The following GAK variants were observed in gnomAD, a reference collection of about 807,000 sequenced individuals.
GAK encodes the protein cyclin G associated kinase.
A neutral mutation model predicts 143.9 loss-of-function variants in GAK; 79 were observed. The ratio of observed to expected loss-of-function variants is 0.55; its 90% CI spans 0.46 to 0.66. The LOEUF is 0.66. Among genes scored for constraint, GAK ranks in the 30% least tolerant of loss-of-function variants. GAK has a pLI of 0.00. For missense variants in GAK, 1,693 were observed against 1,779.7 expected (o/e 0.95, Z 0.88); for synonymous variants, 881 against 765.5 (o/e 1.15, Z -2.49).
intron 6 of GAK, among the ~76,000 whole-genome samples, chr4:896,889 C>T (rs1718908760): frequency 6.6e-6 from 1 of 152,150 alleles, no homozygotes. Flanking sequence ...GGCACAAGGG[C>T]CCCGCTCCAG....
At chr4:874,992 T>C (rs567013209) in intron 18 of GAK, among the ~76,000 whole-genome samples, 3 of 152,204 alleles carry the variant, frequency 2.0e-5, no homozygotes, top group Non-Finnish European at 1.5e-5. Flanking sequence ...ATTTCGGCTG[T>C]AATATTTTTC....
At chr4:871,779 C>T (rs1321011060) in intron 18 of GAK, among the ~76,000 whole-genome samples, 1 of 152,128 alleles carries the variant, frequency 6.6e-6, no homozygotes, top group African/African-American at 2.4e-5. Flanking sequence ...TGACACTGAC[C>T]ATTTCCCAGC....
intron 24 of GAK, among the ~76,000 whole-genome samples, chr4:856,356 TGCTCACCA>T (rs1749184195): frequency 9.6e-6 from 1 of 104,622 alleles, no homozygotes; most frequent in Non-Finnish European, 1.8e-5. Flanking sequence ...TGCTCACACC[TGCTCACCA>T]CAGCTGCTCA....
intron 18 of GAK, among the ~76,000 whole-genome samples, chr4:873,239 T>C (rs1713095250): frequency 6.6e-6 from 1 of 152,238 alleles, no homozygotes; most frequent in African/African-American, 2.4e-5. Context: ...AGTGGTATTT[T>C]GATTATCAAT....
At chr4:902,674 G>A (rs1261938214) in intron 5 of GAK, among the ~76,000 whole-genome samples, 1 of 149,428 alleles carries the variant, frequency 6.7e-6, no homozygotes, top group African/African-American at 2.5e-5. Context: ...CCATGGGCAG[G>A]CCAGGCACAG....
intron 16 of GAK, 67 bp downstream of exon 16, chr4:877,548 C>G: frequency 6.8e-7 from 1 of 1,479,606 alleles, no homozygotes; most frequent in East Asian, 2.3e-5. Flanking sequence ...GGCCAGGGTT[C>G]CTCTTTAACG....
intron 1 of GAK, among the ~76,000 whole-genome samples, chr4:915,080 C>A (rs62297085): frequency 0.54 from 68,329 of 125,498 alleles, 19,193 homozygotes; most frequent in South Asian, 0.65. Context: ...GCGTGCACGG[C>A]CCCACACACA....
Position 851,861 on chromosome 4 carries a change from G to T in GAK, c.3397C>A (p.Pro1133Thr). ...GCTTTGGGGGGCGGCTTGGCCTGAG[G>T]GGGCCATGAGGCGCCCTGGGCTGGC... is the stretch of plus-strand genomic sequence containing the variant. The part of the protein sequence containing the change: ...RPPAQGASWP[P>T]QAKPPPKACT... Residue 1133 changes from proline (P) to threonine (T), a missense_variant, in exon 25 of 28, where the codon CCT becomes ACT. Physicochemically the swap from Pro to Thr is conservative, Grantham distance 38. Around this residue, in one of 2 missense-constraint regions of GAK, gnomAD observed 822 missense variants for 788.7 expected, o/e 1.04. Transcript: ENST00000314167. 1 of 1,608,938 alleles carries T rather than the reference G, an allele frequency of 6.2e-7. No homozygotes were observed. The highest frequency in any genetic ancestry group is 8.5e-7 in the Non-Finnish European group (1 of 1,176,956).
chr4:858,998 A>G (rs1176162741), intron 24 of GAK, among the ~76,000 whole-genome samples: 1 of 152,252 alleles, frequency 6.6e-6, no homozygotes, highest in East Asian at 1.9e-4. Flanking sequence ...AGGCCCCTTC[A>G]GATGATCATC....
intron 23 of GAK, among the ~76,000 whole-genome samples, chr4:860,347 CAA>C (rs35426588): frequency 4.7e-4 from 64 of 135,088 alleles, no homozygotes; most frequent in Admixed American, 7.5e-4. Context: ...CACTCTGTCT[CAA>C]AAAAAAAAAA....
intron 14 of GAK, among the ~76,000 whole-genome samples, chr4:882,458 G>C (rs1014207828): frequency 2.0e-5 from 3 of 152,156 alleles, no homozygotes; most frequent in African/African-American, 7.2e-5. Context: ...ACACAGCGGA[G>C]TGGCCTCCAC....
intron 16 of GAK, 42 bp downstream of exon 16, chr4:877,573 T>C (rs371688971): frequency 2.0e-6 from 3 of 1,522,100 alleles, no homozygotes; most frequent in South Asian, 2.6e-5. Context: ...TCCGGAGGGG[T>C]GAGGAGGAGG....
chr4:863,877 G>C (rs1289318834), intron 23 of GAK, among the ~76,000 whole-genome samples: 1 of 152,066 alleles, frequency 6.6e-6, no homozygotes, highest in Non-Finnish European at 1.5e-5. Flanking sequence ...ACAAAAATTA[G>C]TTGGGCGTGG....
chr4:851,683 G>C, intron 25 of GAK, 67 bp downstream of exon 25: 1 of 1,500,970 alleles, frequency 6.7e-7, no homozygotes, highest in Non-Finnish European at 9.2e-7. Context: ...AACAACATAG[G>C]TTCTACCTTT....
rs140034544 is a variant in GAK at position 876,032 on chromosome 4, G to C, written c.2054+498C>G. ...CCGCATCTGCACCTGAGCCTGCAGA[G>C]GGCAGGGTATGCGCTGTTGGGCACC... On this transcript the variant is annotated intron_variant, in intron 18 of 27. Transcript: ENST00000314167. Among the ~76,000 whole-genome samples, 137 of 151,780 alleles carry C rather than the reference G, an allele frequency of 9.0e-4. No individual in the cohort carries two copies. The Middle Eastern group carries it at 0.014, about 16-fold the overall frequency.
chr4:912,854 G>T, intron 2 of GAK, 60 bp from the exon 3 acceptor site: 3 of 1,461,890 alleles, frequency 2.1e-6, no homozygotes, highest in South Asian at 2.3e-5. Flanking sequence ...TACTCCACCC[G>T]ATGCATCATC....
intron 3 of GAK, chr4:912,258 G>A (rs1722177898): frequency 9.2e-6 from 4 of 433,644 alleles, no homozygotes; most frequent in South Asian, 4.8e-5. Flanking sequence ...CAGTGGACAG[G>A]GAGTGCAGCC....
In GAK at chr4:904,619, T is replaced by C. The variant is rs765406872; in HGVS notation, c.525+18A>G. The C allele has an allele frequency of 3.2e-6, 5 of 1,555,734 alleles. No homozygotes were observed. The East Asian group carries it at 1.1e-4, about 36-fold the overall frequency. ...GCACACAGAGGCCTTGGCAGCCGCG[T>C]GTGGAGGGAGCCACTACCTTGAGGT... On this transcript the variant is annotated intron_variant, in intron 5 of 27. Transcript: ENST00000314167.
At chr4:923,909 G>A (rs1724276158) in intron 1 of GAK, among the ~76,000 whole-genome samples, 2 of 152,146 alleles carry the variant, frequency 1.3e-5, no homozygotes, top group African/African-American at 4.8e-5. Context: ...AAAAGGCCAG[G>A]CGCCGTGGCT....
Sources: allele counts gnomAD v4.1 joint callset (sites outside exome capture counted in the v4.1 genomes callset), GRCh38; gene constraint gnomAD v4.1.1; regional missense constraint gnomAD v4.1.1; transcripts MANE v1.5; gene names NCBI Gene and HGNC (gene_info 2026-07-23, HGNC 2026-07-21).